Variants in DGKB observed in about 807,000 individuals in gnomAD.
The protein encoded by DGKB is diacylglycerol kinase beta, also known as 90 kDa diacylglycerol kinase.
Under a neutral mutation model 114.3 loss-of-function variants are expected in DGKB, and 67 were observed. That is an observed-to-expected ratio of 0.59 (90% CI 0.48 to 0.72). DGKB has a LOEUF of 0.72. Among genes scored for constraint, DGKB ranks in the 30% least tolerant of loss-of-function variants. The probability of loss-of-function intolerance (pLI) is 0.00; values close to 1 mark genes in which losing one functional copy is unlikely to be tolerated. For synonymous variants in DGKB, 398 were observed against 323.1 expected (o/e 1.23, Z -2.49); for missense variants, 907 against 975.2 (o/e 0.93, Z 0.93).
At chr7:14,494,234 G>C in intron 20 of DGKB, among the ~76,000 whole-genome samples, 1 of 151,918 alleles carries the variant, frequency 6.6e-6, no homozygotes, top group Non-Finnish European at 1.5e-5. Context: ...TATTTTCTAT[G>C]ATATTAACTT....
chr7:14,675,667 C>G (rs556291512), intron 12 of DGKB, among the ~76,000 whole-genome samples: 1 of 151,448 alleles, frequency 6.6e-6, no homozygotes, highest in Non-Finnish European at 1.5e-5. Context: ...TTTGTCTAGG[C>G]GGTCGTAAGG....
At chr7:14,631,173 C>A (rs952052534) in intron 13 of DGKB, among the ~76,000 whole-genome samples, 1 of 147,848 alleles carries the variant, frequency 6.8e-6, no homozygotes, top group Non-Finnish European at 1.5e-5. Flanking sequence ...CTGGGCAGTG[C>A]TAGATCACCA....
At chr7:14,951,507 G>A (rs1025224312) in intron 1 of DGKB, among the ~76,000 whole-genome samples, 5 of 151,870 alleles carry the variant, frequency 3.3e-5, no homozygotes, top group Admixed American at 6.6e-5. Flanking sequence ...ATAAGATGGA[G>A]GAAAAAGAGA....
intron 2 of DGKB, among the ~76,000 whole-genome samples, chr7:14,825,637 T>C (rs1041206489): frequency 2.6e-5 from 4 of 152,128 alleles, no homozygotes; most frequent in Admixed American, 1.3e-4. Context: ...TTTCACTGGC[T>C]CACCTGCCTC....
At chr7:14,963,940 A>G (rs751696898) in intron 1 of DGKB, among the ~76,000 whole-genome samples, 4 of 152,160 alleles carry the variant, frequency 2.6e-5, no homozygotes, top group Non-Finnish European at 4.4e-5. Flanking sequence ...AGGTAAAAAT[A>G]AAATTATCCA....
At chr7:14,478,072 G>A (rs992582574) in intron 21 of DGKB, 89 bp downstream of exon 21, 68 of 800,116 alleles carry the variant, frequency 8.5e-5, no homozygotes, top group Non-Finnish European at 1.3e-4. Context: ...AAAGCCAGTA[G>A]ATTATAAAAT....
At chr7:14,253,730 T>C (rs141266712) in intron 23 of DGKB, among the ~76,000 whole-genome samples, 2 of 152,300 alleles carry the variant, frequency 1.3e-5, no homozygotes, top group African/African-American at 4.8e-5. Context: ...CTTTTTATTA[T>C]CCTCTCAGAA....
intron 6 of DGKB, among the ~76,000 whole-genome samples, chr7:14,717,053 G>A (rs757008756): frequency 2.0e-5 from 3 of 151,752 alleles, no homozygotes; most frequent in Non-Finnish European, 2.9e-5. Context: ...GTAAATGGCA[G>A]GTCAGTGGAT....
At chr7:14,612,871 T>C (rs1805816972) in intron 16 of DGKB, among the ~76,000 whole-genome samples, 1 of 152,160 alleles carries the variant, frequency 6.6e-6, no homozygotes, top group African/African-American at 2.4e-5. Flanking sequence ...CTCATTATTA[T>C]TCAGATTAAA....
At chr7:14,246,729 TG>T (rs1247148031) in intron 23 of DGKB, among the ~76,000 whole-genome samples, 6 of 152,270 alleles carry the variant, frequency 3.9e-5, no homozygotes, top group Middle Eastern at 3.4e-3. Context: ...TACAACATGA[TG>T]TTTTGATGTA....
In DGKB at chr7:14,360,792, T is replaced by A. The variant is rs188899289; in HGVS notation, c.1836-15401A>T. On this transcript the variant is annotated intron_variant, in intron 21 of 25. Transcript: ENST00000402815. ...AAAATGCAACATAGGGAGTTCAACA[T>A]GTGAGAAAAAAGGAGTATACATATA... is the stretch of plus-strand genomic sequence containing the variant. 4.2e-3 allele frequency among the ~76,000 whole-genome samples: 646 copies of A among 152,120 alleles called. 2 individuals are homozygous for A. The highest frequency in any genetic ancestry group is 6.8e-3 in the Non-Finnish European group (464 of 67,958).
intron 1 of DGKB, among the ~76,000 whole-genome samples, chr7:14,948,837 T>C (rs1253296343): frequency 6.6e-6 from 1 of 151,784 alleles, no homozygotes; most frequent in Non-Finnish European, 1.5e-5. Flanking sequence ...CTAGAAGATA[T>C]GGGAGTAATA....
chr7:14,501,571 C>T (rs1427568978), intron 20 of DGKB, among the ~76,000 whole-genome samples: 3 of 151,784 alleles, frequency 2.0e-5, no homozygotes, highest in African/African-American at 7.3e-5. Flanking sequence ...GAGGTAATGA[C>T]TCAAACAGAA....
chr7:14,817,853 A>T (rs1256263328), intron 2 of DGKB, among the ~76,000 whole-genome samples: 4 of 152,164 alleles, frequency 2.6e-5, no homozygotes, highest in Admixed American at 2.0e-4. Flanking sequence ...TCCTATTGAA[A>T]CATATTAAAG....
chr7:14,696,426 C>T (rs572052570), intron 8 of DGKB, among the ~76,000 whole-genome samples: 1 of 129,862 alleles, frequency 7.7e-6, no homozygotes, highest in East Asian at 2.6e-4. Flanking sequence ...ACCCGGGAGG[C>T]GGAGCTTGCA....
chr7:14,704,172 A>C (rs1317831529), intron 6 of DGKB, among the ~76,000 whole-genome samples: 1 of 151,630 alleles, frequency 6.6e-6, no homozygotes, highest in South Asian at 2.1e-4. Context: ...GCGGTGGCTT[A>C]TGCCTGTAAT....
intron 13 of DGKB, among the ~76,000 whole-genome samples, chr7:14,652,507 G>T (rs1004935403): frequency 3.3e-5 from 5 of 151,960 alleles, no homozygotes; most frequent in African/African-American, 1.2e-4. Flanking sequence ...ATTCAAGATG[G>T]ATTAAAGACT....
chr7:14,750,793 C>CTTTTTTTTTTTTTTTTT lies in DGKB; in HGVS notation c.168+3118_168+3134dup, dbSNP rs1016534410. On this transcript the variant is annotated intron_variant, in intron 4 of 25. Transcript: ENST00000402815. ...TCCCTTGAAAAAGCTATTTCTATTT[C>CTTTTTTTTTTTTTTTTT]TTTTTTTTTTTTTTTTTTTTTTTCT... Among the ~76,000 whole-genome samples the CTTTTTTTTTTTTTTTTT allele has an allele frequency of 4.2e-4, 38 of 89,568 alleles. 1 individual carries two copies. The highest frequency in any genetic ancestry group is 7.7e-4 in the African/African-American group (15 of 19,466). 58.8% of individuals were successfully genotyped at this position (89,568 alleles called of 152,430 possible). A position where few individuals can be genotyped will look rare whatever the true frequency, so the allele number is the denominator to read the frequency against.
Position 14,188,398 on chromosome 7 carries a change from C to T in DGKB, c.2123-10247G>A, listed in dbSNP as rs969917214. Among the ~76,000 whole-genome samples, 7 of 149,238 alleles carry T rather than the reference C, an allele frequency of 4.7e-5. 1 individual carries two copies. Among genetic ancestry groups the T allele is most frequent in the East Asian group, 2.0e-4 (1 of 5,122 alleles). ...CCAATTGGCCGGGCGCGGTGGCTCACGCCTGTAATCCCAGCACTTTGGGAG... is the reference window on the plus strand; with the variant it reads ...CCAATTGGCCGGGCGCGGTGGCTCATGCCTGTAATCCCAGCACTTTGGGAG... On this transcript the variant is annotated intron_variant, in intron 23 of 25. Transcript: ENST00000402815.
Sources: allele counts gnomAD v4.1 joint callset (sites outside exome capture counted in the v4.1 genomes callset), GRCh38; gene constraint gnomAD v4.1.1; transcripts MANE v1.5; gene names NCBI Gene and HGNC (gene_info 2026-07-23, HGNC 2026-07-21).